The following RIT2 variants were observed in gnomAD, a reference collection of about 807,000 sequenced individuals.
RIT2 encodes the protein GTP-binding protein Rit2.
RIT2 carries 24 observed loss-of-function variants against 23.7 expected under a neutral mutation model. The observed-to-expected ratio is 1.01, with a 90% CI of 0.73 to 1.43. RIT2 has a LOEUF of 1.43. Among genes scored for constraint, RIT2 ranks in the 40% most tolerant of loss-of-function variants. The pLI, the probability that RIT2 is intolerant of heterozygous loss-of-function variation, is 0.00. For missense variants in RIT2, 236 were observed against 266.9 expected, an observed-to-expected ratio of 0.88 and a Z score of 0.81; for synonymous variants, 107 against 91.1, an observed-to-expected ratio of 1.17 and a Z score of -0.99.
At chr18:42,843,349 C>T (rs1314501948) in intron 4 of RIT2, among the ~76,000 whole-genome samples, 1 of 152,154 alleles carries the variant, frequency 6.6e-6, no homozygotes, top group African/African-American at 2.4e-5. Context: ...CTCTAGGTAT[C>T]TCTTATAATT....
chr18:42,754,466 C>T (rs766219800), intron 4 of RIT2, among the ~76,000 whole-genome samples: 5 of 152,114 alleles, frequency 3.3e-5, no homozygotes, highest in Non-Finnish European at 7.4e-5. Flanking sequence ...TATGCCTTTG[C>T]GTATTGCTTT....
At chr18:42,945,650 A>G (rs906064238) in intron 3 of RIT2, among the ~76,000 whole-genome samples, 2 of 152,132 alleles carry the variant, frequency 1.3e-5, no homozygotes, top group African/African-American at 4.8e-5. Context: ...TAATGTCATC[A>G]TTTTGTACTG....
intron 4 of RIT2, among the ~76,000 whole-genome samples, chr18:42,908,908 C>A: frequency 6.6e-6 from 1 of 152,092 alleles, no homozygotes; most frequent in African/African-American, 2.4e-5. Flanking sequence ...CTACGGAAAA[C>A]GGTATGGTGA....
At chr18:42,905,320 A>T (rs543606126) in intron 4 of RIT2, among the ~76,000 whole-genome samples, 6 of 152,354 alleles carry the variant, frequency 3.9e-5, no homozygotes, top group Non-Finnish European at 8.8e-5. Context: ...AAACAAGAGC[A>T]GGGTAAATAC....
At chr18:43,035,218 A>G (rs2144286044) in intron 1 of RIT2, among the ~76,000 whole-genome samples, 1 of 152,208 alleles carries the variant, frequency 6.6e-6, no homozygotes, top group East Asian at 1.9e-4. Flanking sequence ...TTATGCTTTA[A>G]CAATTGTTTA....
intron 4 of RIT2, among the ~76,000 whole-genome samples, chr18:42,804,708 G>A (rs1905634665): frequency 6.6e-6 from 1 of 151,856 alleles, no homozygotes. Flanking sequence ...AACTGTCACA[G>A]CCCACTGTGA....
intron 1 of RIT2, among the ~76,000 whole-genome samples, chr18:43,045,234 C>A (rs980028194): frequency 2.6e-5 from 4 of 152,132 alleles, no homozygotes; most frequent in African/African-American, 9.7e-5. Context: ...GAGACAATTA[C>A]TGGAGTCTCA....
intron 4 of RIT2, among the ~76,000 whole-genome samples, chr18:42,847,455 T>A (rs1432470693): frequency 2.0e-5 from 3 of 151,232 alleles, no homozygotes; most frequent in East Asian, 1.9e-4. Context: ...TCATTTTATT[T>A]AAAAAAAAAT....
intron 1 of RIT2, among the ~76,000 whole-genome samples, chr18:43,083,031 G>A (rs2144350039): frequency 6.6e-6 from 1 of 152,272 alleles, no homozygotes; most frequent in African/African-American, 2.4e-5. Flanking sequence ...CTTCAGCAAA[G>A]TCTCAGGATA....
chr18:43,105,758 A>T (rs751977689), intron 1 of RIT2, among the ~76,000 whole-genome samples: 15 of 152,330 alleles, frequency 9.8e-5, no homozygotes, highest in Non-Finnish European at 1.6e-4. Flanking sequence ...AGTTTGTGCC[A>T]GGCTATGTAA....
chr18:42,853,113 C>A (rs1907099466), intron 4 of RIT2, among the ~76,000 whole-genome samples: 1 of 152,166 alleles, frequency 6.6e-6, no homozygotes, highest in Non-Finnish European at 1.5e-5. Context: ...GGATTACAGG[C>A]ATGAGCCACC....
chr18:43,011,459 T>C (rs553958912), intron 2 of RIT2, among the ~76,000 whole-genome samples: 12 of 151,736 alleles, frequency 7.9e-5, no homozygotes, highest in African/African-American at 2.9e-4. Context: ...TGGGCATGGA[T>C]TGCACAGTCT....
intron 2 of RIT2, among the ~76,000 whole-genome samples, chr18:43,028,934 TAAG>T (rs1420679536): frequency 1.3e-5 from 2 of 152,010 alleles, no homozygotes; most frequent in African/African-American, 4.8e-5. Flanking sequence ...ATTCCTAGCT[TAAG>T]AAGTATTCTC....
chr18:43,112,988 G>A (rs1913988378), intron 1 of RIT2, among the ~76,000 whole-genome samples: 1 of 152,002 alleles, frequency 6.6e-6, no homozygotes, highest in South Asian at 2.1e-4. Flanking sequence ...ATATACCTCT[G>A]TTGATCTAAG....
chr18:43,099,024 G>T (rs1192857474), intron 1 of RIT2, among the ~76,000 whole-genome samples: 3 of 152,010 alleles, frequency 2.0e-5, no homozygotes, highest in Non-Finnish European at 4.4e-5. Context: ...AAGGGGAGAT[G>T]AACTTTTCTG....
intron 2 of RIT2, among the ~76,000 whole-genome samples, chr18:42,985,547 G>A (rs144782580): frequency 5.6e-4 from 85 of 152,164 alleles, no homozygotes; most frequent in African/African-American, 2.0e-3. Context: ...TGGCACATGG[G>A]TAGAAAAATA....
At chr18:42,956,616 G>T (rs1185459097) in intron 3 of RIT2, among the ~76,000 whole-genome samples, 5 of 152,082 alleles carry the variant, frequency 3.3e-5, no homozygotes. Context: ...TGGTCAAATT[G>T]CCTGTTTTAA....
rs377026971 is a variant in RIT2, at chr18:42,896,732, A to T, written c.426+26840T>A. On this transcript the variant is annotated intron_variant, in intron 4 of 4. Transcript: ENST00000326695. ...TGATTTATCAGAAAGTATTCAGTTG[A>T]CTCAGCCTTTTACACACTAAACTCC... 1.4e-4 allele frequency among the ~76,000 whole-genome samples: 21 copies of T among 152,336 alleles called. No individual in the cohort carries two copies. The East Asian group carries it at 3.9e-3, about 28-fold the overall frequency.
intron 1 of RIT2, among the ~76,000 whole-genome samples, chr18:43,097,161 A>C (rs1913573275): frequency 6.6e-6 from 1 of 151,928 alleles, no homozygotes; most frequent in African/African-American, 2.4e-5. Flanking sequence ...GGGAGGTTTG[A>C]AAACACCCCT....
Sources: allele counts gnomAD v4.1 joint callset (sites outside exome capture counted in the v4.1 genomes callset), GRCh38; gene constraint gnomAD v4.1.1; transcripts MANE v1.5; gene names NCBI Gene and HGNC (gene_info 2026-07-23, HGNC 2026-07-21).